Variants in RARB observed in about 807,000 individuals in gnomAD.
RARB encodes retinoic acid receptor beta, also known as HBV-activated protein.
Under a neutral mutation model 51.9 loss-of-function variants are expected in RARB, and 17 were observed. The ratio of observed to expected loss-of-function variants is 0.33; its 90% CI spans 0.22 to 0.49. The LOEUF (loss-of-function observed/expected upper bound fraction) is 0.49, where lower values mean the gene tolerates loss of function less well. Among genes scored for constraint, RARB ranks in the 20% least tolerant of loss-of-function variants. The pLI is 0.99. For missense variants in RARB, 369 were observed against 550.8 expected, an observed-to-expected ratio of 0.67 and a Z score of 3.30; for synonymous variants, 215 against 195.4, an observed-to-expected ratio of 1.10 and a Z score of -0.84.
At chr3:25,053,753 T>C (rs1441124146) in intron 2 of RARB, among the ~76,000 whole-genome samples, 1 of 152,164 alleles carries the variant, frequency 6.6e-6, no homozygotes, top group Non-Finnish European at 1.5e-5. Context: ...AAAATTTCTG[T>C]AGAGTTTCTG....
At chr3:25,502,766 A>G (rs181610634) in intron 3 of RARB, among the ~76,000 whole-genome samples, 1 of 152,300 alleles carries the variant, frequency 6.6e-6, no homozygotes, top group East Asian at 1.9e-4. Context: ...GGTAGCCACA[A>G]GTACCCCTGG....
chr3:24,948,355 A>G (rs1412724966), intron 2 of RARB, among the ~76,000 whole-genome samples: 1 of 152,186 alleles, frequency 6.6e-6, no homozygotes, highest in Non-Finnish European at 1.5e-5. Context: ...TCCATTTCCT[A>G]GCTAGGTAAC....
intron 2 of RARB, among the ~76,000 whole-genome samples, chr3:25,041,974 C>G (rs1435726689): frequency 6.6e-6 from 1 of 152,052 alleles, no homozygotes. Context: ...TCCGCTGTCC[C>G]CAGGGCAGGG....
intron 3 of RARB, among the ~76,000 whole-genome samples, chr3:25,061,417 T>C (rs1428567202): frequency 6.6e-6 from 1 of 151,898 alleles, no homozygotes; most frequent in East Asian, 1.9e-4. Context: ...TAAGTTCAGT[T>C]GGTATTTTAA....
At chr3:25,021,265 C>T (rs1449662689) in intron 2 of RARB, among the ~76,000 whole-genome samples, 1 of 152,186 alleles carries the variant, frequency 6.6e-6, no homozygotes, top group Non-Finnish European at 1.5e-5. Context: ...AGCATTGAAT[C>T]TCCATCCCTA....
chr3:25,092,036 T>C (rs1699208352), intron 3 of RARB, among the ~76,000 whole-genome samples: 1 of 152,152 alleles, frequency 6.6e-6, no homozygotes, highest in South Asian at 2.1e-4. Context: ...ATTTGGATAA[T>C]TGAATGGCTA....
chr3:25,063,915 G>T (rs1575142756), intron 3 of RARB, among the ~76,000 whole-genome samples: 1 of 151,918 alleles, frequency 6.6e-6, no homozygotes, highest in Non-Finnish European at 1.5e-5. Context: ...ACTTAGCAAG[G>T]CTCAGGGAAG....
chr3:25,592,779 A>G (rs897562595), intron 5 of RARB, among the ~76,000 whole-genome samples: 1 of 152,008 alleles, frequency 6.6e-6, no homozygotes, highest in African/African-American at 2.4e-5. Flanking sequence ...TTGAAATGCT[A>G]CCTCTTTATG....
At position 24,987,605 on chromosome 3, in the gene RARB, G is replaced by A. The variant is rs541183134; in HGVS notation, c.-379-72520G>A. Among the ~76,000 whole-genome samples the A allele has an allele frequency of 3.3e-5, 5 of 152,118 alleles. No homozygotes were observed. The East Asian group carries it at 9.6e-4, about 29-fold the overall frequency. ...ACAAGAGACTTATATCCCTCCTGAG[G>A]GACTGTTCTACACCACTAATGGCCC... is the stretch of plus-strand genomic sequence containing the variant. On this transcript the variant is annotated intron_variant, in intron 2 of 11. Coordinates refer to the RARB transcript ENST00000383772.
At chr3:25,313,383 A>T (rs1287686688) in intron 5 of RARB, among the ~76,000 whole-genome samples, 4 of 152,210 alleles carry the variant, frequency 2.6e-5, no homozygotes, top group Non-Finnish European at 5.9e-5. Context: ...ATACCATTCA[A>T]AATTCATTAT....
chr3:25,281,512 T>G (rs763292934), intron 5 of RARB, among the ~76,000 whole-genome samples: 1 of 152,146 alleles, frequency 6.6e-6, no homozygotes, highest in Non-Finnish European at 1.5e-5. Context: ...CTGTGCTTAA[T>G]TGAAAGAGAT....
chr3:24,881,585 TAAA>T (rs1270551165), intron 2 of RARB, among the ~76,000 whole-genome samples: 1 of 152,120 alleles, frequency 6.6e-6, no homozygotes, highest in East Asian at 1.9e-4. Flanking sequence ...TAATGAAAAA[TAAA>T]AACAGATTAC....
intron 3 of RARB, among the ~76,000 whole-genome samples, chr3:25,081,442 A>G (rs977821329): frequency 2.7e-5 from 4 of 150,510 alleles, no homozygotes; most frequent in Non-Finnish European, 4.4e-5. Flanking sequence ...ATTGATTGAT[A>G]GTGCTGTTCA....
intron 2 of RARB, among the ~76,000 whole-genome samples, chr3:24,916,783 A>AT (rs1213790400): frequency 6.6e-6 from 1 of 151,844 alleles, no homozygotes; most frequent in Non-Finnish European, 1.5e-5. Flanking sequence ...AAAAAAAAAA[A>AT]AAACCTTGTA....
chr3:25,346,233 T>C (rs1181550718), intron 5 of RARB, among the ~76,000 whole-genome samples: 1 of 152,204 alleles, frequency 6.6e-6, no homozygotes, highest in Admixed American at 6.5e-5. Context: ...CTGGATCTTA[T>C]TAGAGCATCC....
chr3:25,561,386 G>A (rs1700262912), intron 3 of RARB, among the ~76,000 whole-genome samples: 1 of 152,172 alleles, frequency 6.6e-6, no homozygotes, highest in African/African-American at 2.4e-5. Context: ...GTATTACACA[G>A]ATTATTGCTG....
At position 25,028,663 on chromosome 3, in the gene RARB, G is replaced by C. The variant is rs1697803960; in HGVS notation, c.-379-31462G>C. ...TGTGTGAGGATAAAGGGTGTTTGTG[G>C]GAGAGGAAACCTGGTTTACCGGGAG... On this transcript the variant is annotated intron_variant, in intron 2 of 11. Coordinates refer to the RARB transcript ENST00000383772. Among the ~76,000 whole-genome samples the C allele has an allele frequency of 3.3e-5, 5 of 152,132 alleles. No individual in the cohort carries two copies. In the South Asian group the frequency reaches 1.0e-3, roughly 32 times the overall value.
At chr3:25,516,593 G>A (rs920090018) in intron 3 of RARB, among the ~76,000 whole-genome samples, 5 of 149,314 alleles carry the variant, frequency 3.3e-5, no homozygotes, top group Middle Eastern at 3.4e-3. Context: ...TTATTTGTGA[G>A]TTCTAGATTT....
At chr3:25,325,316 C>T (rs1359315082) in intron 5 of RARB, among the ~76,000 whole-genome samples, 6 of 152,054 alleles carry the variant, frequency 3.9e-5, no homozygotes, top group African/African-American at 1.4e-4. Flanking sequence ...ATTTTCATGG[C>T]CATCTTGGTT....
Sources: allele counts gnomAD v4.1 joint callset (sites outside exome capture counted in the v4.1 genomes callset), GRCh38; gene constraint gnomAD v4.1.1; transcripts MANE v1.5; gene names NCBI Gene and HGNC (gene_info 2026-07-23, HGNC 2026-07-21).